RNF32: variants seen among roughly 807,000 people sequenced by gnomAD.
The protein encoded by RNF32 is ring finger protein 32.
A neutral mutation model predicts 41.0 loss-of-function variants in RNF32; 36 were observed. The observed-to-expected ratio is 0.88, with a 90% confidence interval of 0.67 to 1.16. The LOEUF (loss-of-function observed/expected upper bound fraction) is 1.16. RNF32 is among the 50% of genes most tolerant of loss of function. RNF32 has a pLI of 0.00. For synonymous variants in RNF32, 154 were observed against 160.9 expected (o/e 0.96, Z 0.32); for missense variants, 413 against 436.7 (o/e 0.95, Z 0.48).
At chr7:156,640,377 C>A, upstream of RNF32, 1 of 439,844 alleles carries the variant, frequency 2.3e-6, no homozygotes, top group South Asian at 1.6e-5. Flanking sequence ...ACAAAGCCGC[C>A]GGGGGCTGCG....
upstream of RNF32, chr7:156,640,642 G>A (rs1264849502): frequency 2.6e-6 from 1 of 383,546 alleles, no homozygotes; most frequent in South Asian, 1.8e-5. Context: ...GGCCGGGCGG[G>A]GCTGGCGAGC....
intron 5 of RNF32, 104 bp downstream of exon 5, chr7:156,657,677 A>C (rs1234158257): frequency 6.9e-6 from 7 of 1,009,488 alleles, no homozygotes; most frequent in African/African-American, 1.6e-5. Flanking sequence ...CATTTATTTT[A>C]TTCATCACCA....
intron 7 of RNF32, among the ~76,000 whole-genome samples, chr7:156,668,517 C>A (rs1214717660): frequency 6.6e-6 from 1 of 152,156 alleles, no homozygotes; most frequent in African/African-American, 2.4e-5. Flanking sequence ...TGGGTCTTGC[C>A]ACCCTGCTTC....
At chr7:156,642,319 A>G (rs1797452622) in intron 1 of RNF32, among the ~76,000 whole-genome samples, 1 of 152,230 alleles carries the variant, frequency 6.6e-6, no homozygotes, top group Non-Finnish European at 1.5e-5. Context: ...AGCACTTCTA[A>G]TATGAAACAC....
intron 3 of RNF32, among the ~76,000 whole-genome samples, chr7:156,650,166 T>C (rs988504942): frequency 2.6e-5 from 4 of 152,300 alleles, no homozygotes; most frequent in East Asian, 3.9e-4. Flanking sequence ...TGGTGGCTTA[T>C]TGATGTTTGC....
upstream of RNF32, chr7:156,640,572 G>A (rs1001716525): frequency 2.7e-5 from 11 of 401,648 alleles, no homozygotes; most frequent in African/African-American, 4.4e-5. Flanking sequence ...CGGGGCGGGG[G>A]CCGGCGAGCA....
chr7:156,660,636 A>G (rs532085599), intron 7 of RNF32, among the ~76,000 whole-genome samples: 2 of 152,322 alleles, frequency 1.3e-5, no homozygotes, highest in African/African-American at 4.8e-5. Flanking sequence ...GGCAAGAGCC[A>G]TAGGCTAGGG....
At chr7:156,671,230 C>T (rs763717480) in intron 7 of RNF32, among the ~76,000 whole-genome samples, 33 of 152,202 alleles carry the variant, frequency 2.2e-4, no homozygotes, top group Non-Finnish European at 3.7e-4. Context: ...ATGGGTGCAC[C>T]GTTTGTCTGT....
chr7:156,669,418 T>C lies in RNF32; in HGVS notation c.685-6278T>C. 1 of 152,268 alleles carries C rather than the reference T, an allele frequency of 6.6e-6. No individual in the cohort carries two copies. Among genetic ancestry groups the C allele is most frequent in the East Asian group, 1.9e-4 (1 of 5,174 alleles). 9.4% of individuals were successfully genotyped at this position (152,268 alleles called of 1,614,324 possible). A position where few individuals can be genotyped will look rare whatever the true frequency, so the allele number is the denominator to read the frequency against. ...AGATGTTTGAAATAAGGTGGAAATGTCTGAGGAGATGCACCCTGAACCCAA... is the reference window on the plus strand; with the variant it reads ...AGATGTTTGAAATAAGGTGGAAATGCCTGAGGAGATGCACCCTGAACCCAA... On this transcript the variant is annotated intron_variant, in intron 7 of 8. Coordinates refer to ENST00000317955, the MANE Select transcript of RNF32 (RefSeq NM_030936.4). This position sits in a 1 kb window ranked among gnomAD's most constrained non-coding sequence, Gnocchi z 4.2.
chr7:156,653,758 G>A (rs1799133102), intron 3 of RNF32, among the ~76,000 whole-genome samples: 1 of 152,290 alleles, frequency 6.6e-6, no homozygotes, highest in Non-Finnish European at 1.5e-5. Context: ...GCACATGGTG[G>A]GTACCCACGT....
At chr7:156,647,162 T>A (rs1393219005) in intron 3 of RNF32, among the ~76,000 whole-genome samples, 2 of 151,630 alleles carry the variant, frequency 1.3e-5, no homozygotes, top group Non-Finnish European at 2.9e-5. Context: ...TGTTTTTTTT[T>A]AATTTTTTGT....
chr7:156,657,610 A>G (rs1004971243), intron 5 of RNF32, 37 bp downstream of exon 5: 7 of 1,602,004 alleles, frequency 4.4e-6, no homozygotes, highest in Non-Finnish European at 5.1e-6. Flanking sequence ...GGTGCTGCAC[A>G]TGTCGCTCTC....
chr7:156,676,328 C>T (rs1804025143), intron 8 of RNF32, 91 bp from the exon 9 acceptor site: 1 of 1,612,922 alleles, frequency 6.2e-7, no homozygotes, highest in Non-Finnish European at 8.5e-7. Context: ...AGACCCATGT[C>T]TCGGGGCACA....
intron 3 of RNF32, among the ~76,000 whole-genome samples, chr7:156,646,145 G>A (rs1797946522): frequency 6.6e-6 from 1 of 152,200 alleles, no homozygotes; most frequent in Non-Finnish European, 1.5e-5. Context: ...ATTAATAAAA[G>A]GAGATGTATT....
chr7:156,668,393 A>G (rs1453365631), intron 7 of RNF32, among the ~76,000 whole-genome samples: 2 of 152,238 alleles, frequency 1.3e-5, no homozygotes. Flanking sequence ...CAGGAAAGGA[A>G]GGAACAAGAA....
chr7:156,644,656 C>T lies in RNF32; in HGVS notation c.173C>T (p.Ala58Val), dbSNP rs1315508869. 7 of 1,612,286 alleles carry T rather than the reference C, an allele frequency of 4.3e-6. No individual in the cohort carries two copies. The highest frequency in any genetic ancestry group is 2.7e-5 in the African/African-American group (2 of 74,822). ...ENKSLKRDTK[A>V]IIDTGLKKTT... Reference sequence around the variant, plus strand: ...AAATCTCTAAAAAGAGATACAAAGGCAATAATAGATACTGGACTTAAAAAA... The same window carrying T: ...AAATCTCTAAAAAGAGATACAAAGGTAATAATAGATACTGGACTTAAAAAA... Residue 58 changes from alanine to valine, a missense_variant, in exon 3 of 9, where the codon GCA (alanine) becomes GTA (valine). Transcript: ENST00000317955.
At chr7:156,656,743 A>G (rs1272709511) in intron 4 of RNF32, among the ~76,000 whole-genome samples, 1 of 152,246 alleles carries the variant, frequency 6.6e-6, no homozygotes, top group African/African-American at 2.4e-5. Context: ...CTTGACAAAA[A>G]GGGAAAACCC....
intron 3 of RNF32, among the ~76,000 whole-genome samples, chr7:156,652,474 CTTGA>C (rs140776796): frequency 0.018 from 2,797 of 152,200 alleles, 86 homozygotes; most frequent in African/African-American, 0.065. Context: ...AGACCGGTCC[CTTGA>C]TTTTCTTATT....
chr7:156,661,584 G>C (rs1007099322), intron 7 of RNF32, among the ~76,000 whole-genome samples: 1 of 152,176 alleles, frequency 6.6e-6, no homozygotes, highest in Non-Finnish European at 1.5e-5. Context: ...GCCTCCCAAA[G>C]TGCTGGGATT....
Sources: allele counts gnomAD v4.1 joint callset (sites outside exome capture counted in the v4.1 genomes callset), GRCh38; gene constraint gnomAD v4.1.1; non-coding constraint Gnocchi (gnomAD v3.1); transcripts MANE v1.5; gene names NCBI Gene and HGNC (gene_info 2026-07-23, HGNC 2026-07-21).